AFG1L: variants seen among roughly 807,000 people sequenced by gnomAD.
AFG1L encodes AFG1 like ATPase.
Under a neutral mutation model 62.2 loss-of-function variants are expected in AFG1L, and 53 were observed. That is an observed-to-expected ratio of 0.85 (90% CI 0.68 to 1.07). AFG1L has a LOEUF of 1.07. Among genes scored for constraint, AFG1L ranks in the 50% least tolerant of loss-of-function variants. The pLI is 0.00. For missense variants in AFG1L, 555 were observed against 590.5 expected (o/e 0.94, Z 0.62); for synonymous variants, 228 against 210.3 (o/e 1.08, Z -0.73).
At chr6:108,481,855 T>TG (rs1773332227) in intron 10 of AFG1L, among the ~76,000 whole-genome samples, 1 of 152,248 alleles carries the variant, frequency 6.6e-6, no homozygotes, top group East Asian at 1.9e-4. Context: ...CTTGGAAGAC[T>TG]GCTTGACAGA....
chr6:108,429,044 G>A (rs1476304005), intron 7 of AFG1L, among the ~76,000 whole-genome samples: 1 of 152,108 alleles, frequency 6.6e-6, no homozygotes, highest in Non-Finnish European at 1.5e-5. Flanking sequence ...CTTCTAGAAT[G>A]TTTGTGGTTT....
At chr6:108,511,585 A>ATCT (rs1774654684) in intron 11 of AFG1L, among the ~76,000 whole-genome samples, 1 of 152,258 alleles carries the variant, frequency 6.6e-6, no homozygotes, top group Non-Finnish European at 1.5e-5. Flanking sequence ...GTGAGCTATT[A>ATCT]GTAGAATATA....
In AFG1L at chr6:108,426,430, G is replaced by A. The variant is rs188228437; in HGVS notation, c.808-20784G>A. ...TACAGGAGCTGCAGTTGTGTGTTTG[G>A]TAGTATAGTTATAAAAAAGATCCTC... On this transcript the variant is annotated intron_variant, in intron 7 of 12. Transcript: ENST00000368977. Among the ~76,000 whole-genome samples the A allele has an allele frequency of 2.6e-5, 4 of 152,228 alleles. No homozygotes were observed. In the East Asian group the frequency reaches 7.7e-4, roughly 29 times the overall value.
At chr6:108,355,460 A>C (rs1212415219) in intron 3 of AFG1L, among the ~76,000 whole-genome samples, 194 bp from the exon 4 acceptor site, 1 of 152,212 alleles carries the variant, frequency 6.6e-6, no homozygotes, top group Admixed American at 6.5e-5. Flanking sequence ...ATTTTAACAG[A>C]AAAGAGTAAT....
chr6:108,296,472 T>C (rs1776770380), intron 1 of AFG1L, among the ~76,000 whole-genome samples: 1 of 152,182 alleles, frequency 6.6e-6, no homozygotes. Context: ...GTTTTTCTCC[T>C]CAGAGGCAAT....
intron 6 of AFG1L, among the ~76,000 whole-genome samples, chr6:108,392,623 ACAGATTTAGT>A (rs1781106760): frequency 6.6e-6 from 1 of 152,180 alleles, no homozygotes; most frequent in South Asian, 2.1e-4. Context: ...TGTACTACCT[ACAGATTTAGT>A]AAATTGTTGT....
intron 6 of AFG1L, among the ~76,000 whole-genome samples, chr6:108,379,923 A>C (rs530151973): frequency 1.4e-5 from 2 of 147,154 alleles, no homozygotes; most frequent in East Asian, 4.1e-4. Flanking sequence ...GGGCCTCTCC[A>C]TACCAGACTC....
At chr6:108,362,592 T>G (rs1166951351) in intron 5 of AFG1L, among the ~76,000 whole-genome samples, 1 of 152,202 alleles carries the variant, frequency 6.6e-6, no homozygotes, top group Non-Finnish European at 1.5e-5. Context: ...GAGTTTACTT[T>G]ATGTCTCATA....
intron 7 of AFG1L, among the ~76,000 whole-genome samples, chr6:108,407,522 G>T (rs927425877): frequency 1.3e-5 from 2 of 151,952 alleles, no homozygotes; most frequent in African/African-American, 4.8e-5. Context: ...TTACAAAAAA[G>T]AATTTTTTTT....
intron 10 of AFG1L, 126 bp from the exon 11 acceptor site, chr6:108,510,086 C>G: frequency 6.1e-6 from 4 of 655,996 alleles, no homozygotes; most frequent in Non-Finnish European, 1.0e-5. Context: ...GTAACTTGGT[C>G]AAGTTACCCA....
chr6:108,472,545 G>A (rs561587932), intron 8 of AFG1L, among the ~76,000 whole-genome samples: 1 of 152,170 alleles, frequency 6.6e-6, no homozygotes, highest in East Asian at 1.9e-4. Flanking sequence ...ATGTCCATTT[G>A]CTTAGGATAG....
intron 7 of AFG1L, among the ~76,000 whole-genome samples, chr6:108,425,401 A>T (rs1770767091): frequency 6.6e-6 from 1 of 151,780 alleles, no homozygotes. Flanking sequence ...TACCAGCCTT[A>T]CCTATAAATA....
chr6:108,301,242 G>A (rs1344259896), intron 1 of AFG1L, among the ~76,000 whole-genome samples: 1 of 152,020 alleles, frequency 6.6e-6, no homozygotes, highest in Non-Finnish European at 1.5e-5. Flanking sequence ...CTTGTATCTT[G>A]TGCCAACCTC....
intron 6 of AFG1L, among the ~76,000 whole-genome samples, chr6:108,396,390 T>A (rs998606796): frequency 2.0e-5 from 3 of 152,220 alleles, no homozygotes; most frequent in South Asian, 2.1e-4. Flanking sequence ...ATACTACCTG[T>A]TTATGATATA....
intron 6 of AFG1L, among the ~76,000 whole-genome samples, chr6:108,400,723 T>A (rs1200477417): frequency 8.0e-6 from 1 of 124,548 alleles, no homozygotes; most frequent in Non-Finnish European, 1.6e-5. Context: ...TTAATATATA[T>A]TATATATAAT....
intron 10 of AFG1L, among the ~76,000 whole-genome samples, chr6:108,492,564 A>G (rs558557799): frequency 3.8e-4 from 58 of 152,218 alleles, no homozygotes; most frequent in Non-Finnish European, 7.6e-4. Flanking sequence ...TCACAGCACT[A>G]TGTCTGAGGC....
chr6:108,484,526 G>A (rs953258843), intron 10 of AFG1L, among the ~76,000 whole-genome samples: 2 of 152,064 alleles, frequency 1.3e-5, no homozygotes, highest in Non-Finnish European at 2.9e-5. Context: ...TTATCTAACC[G>A]TTCAACCAAC....
intron 2 of AFG1L, chr6:108,345,002 G>A (rs1182008885): frequency 3.1e-6 from 1 of 325,974 alleles, no homozygotes; most frequent in Non-Finnish European, 6.0e-6. Context: ...TCCCTCTCAG[G>A]GGCCCTCTAC....
intron 8 of AFG1L, among the ~76,000 whole-genome samples, chr6:108,471,585 C>T (rs957199264): frequency 3.3e-5 from 5 of 150,732 alleles, no homozygotes; most frequent in South Asian, 2.1e-4. Context: ...CTCAGCCTTC[C>T]GAGTAGCTGG....
Sources: allele counts gnomAD v4.1 joint callset (sites outside exome capture counted in the v4.1 genomes callset), GRCh38; gene constraint gnomAD v4.1.1; transcripts MANE v1.5; gene names NCBI Gene and HGNC (gene_info 2026-07-23, HGNC 2026-07-21).